The following EPSTI1 variants were observed in gnomAD, a reference collection of about 807,000 sequenced individuals.
EPSTI1 encodes the protein epithelial-stromal interaction protein 1.
A neutral mutation model predicts 49.9 loss-of-function variants in EPSTI1; 66 were observed. That is an observed-to-expected ratio of 1.32 (90% CI 1.08 to 1.62). The LOEUF is 1.62. EPSTI1 is among the 40% of genes most tolerant of loss of function. The probability of loss-of-function intolerance (pLI) is 0.00; values close to 1 mark genes in which losing one functional copy is unlikely to be tolerated. For synonymous variants in EPSTI1, 137 were observed against 130.7 expected, an observed-to-expected ratio of 1.05 and a Z score of -0.33; for missense variants, 394 against 365.5, an observed-to-expected ratio of 1.08 and a Z score of -0.64.
intron 9 of EPSTI1, among the ~76,000 whole-genome samples, chr13:42,895,705 A>T (rs2037170861): frequency 6.6e-6 from 1 of 152,206 alleles, no homozygotes; most frequent in African/African-American, 2.4e-5. Context: ...GTTTCATATT[A>T]CAGTTTTTAA....
intron 7 of EPSTI1, among the ~76,000 whole-genome samples, chr13:42,926,105 T>C (rs1201335987): frequency 2.1e-5 from 2 of 93,780 alleles, no homozygotes; most frequent in Non-Finnish European, 4.8e-5. Flanking sequence ...GAATGAATGG[T>C]TGGGTGAGAG....
At chr13:42,970,729 C>A (rs1050163005) in intron 1 of EPSTI1, 59 bp from the exon 2 acceptor site, 4 of 1,345,266 alleles carry the variant, frequency 3.0e-6, no homozygotes, top group Middle Eastern at 3.7e-4. Flanking sequence ...TGCATATAAG[C>A]CACCAGATAT....
chr13:42,889,256 A>G (rs993380704), intron 10 of EPSTI1: 2 of 1,500,942 alleles, frequency 1.3e-6, no homozygotes, highest in Non-Finnish European at 1.8e-6. Flanking sequence ...GAAAAATAAA[A>G]AAATATATTT....
intron 8 of EPSTI1, among the ~76,000 whole-genome samples, chr13:42,911,033 T>C (rs2037656668): frequency 6.6e-6 from 1 of 152,232 alleles, no homozygotes; most frequent in Non-Finnish European, 1.5e-5. Flanking sequence ...CAAATATTCT[T>C]GTCACATGAC....
At chr13:42,888,616 C>G (rs1320635122) in intron 10 of EPSTI1, 114 bp from the exon 11 acceptor site, 2 of 1,102,166 alleles carry the variant, frequency 1.8e-6, no homozygotes, top group Non-Finnish European at 2.6e-6. Context: ...GCTGAAATGA[C>G]CATTTTTTAA....
chr13:42,893,614 C>T (rs1369699788), intron 10 of EPSTI1, among the ~76,000 whole-genome samples: 2 of 152,170 alleles, frequency 1.3e-5, no homozygotes, highest in Non-Finnish European at 2.9e-5. Context: ...TGCCAATAGT[C>T]ATTGGTGAGC....
At chr13:42,986,172 G>T (rs2040074440) in intron 1 of EPSTI1, among the ~76,000 whole-genome samples, 1 of 152,182 alleles carries the variant, frequency 6.6e-6, no homozygotes, top group South Asian at 2.1e-4. Flanking sequence ...GGCAGCTGGG[G>T]CCGTCAGCTG....
At chr13:42,894,900 A>G in intron 10 of EPSTI1, 109 bp downstream of exon 10, 1 of 940,082 alleles carries the variant, frequency 1.1e-6, no homozygotes, top group South Asian at 1.6e-5. Flanking sequence ...AAACAGCACA[A>G]CAACAAAAAC....
chr13:42,920,220 T>C (rs2037953818), intron 7 of EPSTI1, among the ~76,000 whole-genome samples: 1 of 152,130 alleles, frequency 6.6e-6, no homozygotes. Context: ...GAAGTGTGGG[T>C]CTCAACCCAT....
chr13:42,896,710 T>C (rs550320390), intron 9 of EPSTI1, among the ~76,000 whole-genome samples: 2 of 152,302 alleles, frequency 1.3e-5, no homozygotes, highest in Middle Eastern at 3.4e-3. Context: ...CAGCTTCCCA[T>C]TGGTCTTAGA....
intron 8 of EPSTI1, among the ~76,000 whole-genome samples, chr13:42,901,871 T>A (rs1459164145): frequency 1.3e-5 from 2 of 152,080 alleles, no homozygotes; most frequent in Non-Finnish European, 2.9e-5. Flanking sequence ...ACCCACTAAC[T>A]CGTCATCTAG....
At chr13:42,906,651 C>T (rs1009245991) in intron 8 of EPSTI1, among the ~76,000 whole-genome samples, 25 of 152,224 alleles carry the variant, frequency 1.6e-4, no homozygotes, top group African/African-American at 5.3e-4. Flanking sequence ...CCTGGTTCTC[C>T]GGCATCCACA....
In EPSTI1 at chr13:42,888,058, T is replaced by G; in HGVS notation, c.*436A>C. 1.8e-6 allele frequency: 1 copy of G among 544,376 alleles called. No homozygotes were observed. The highest frequency in any genetic ancestry group is 3.2e-6 in the Non-Finnish European group (1 of 316,898). 33.7% of individuals were successfully genotyped at this position (544,376 alleles called of 1,614,324 possible). A position where few individuals can be genotyped will look rare whatever the true frequency, so the allele number is the denominator to read the frequency against. ...AAGACCTTTTTCTTTTGTACATATT[T>G]GTACCATAAAGAAAGTAGGGATTAA... On this transcript the variant is annotated 3_prime_UTR_variant, in exon 11 of 11. Transcript: ENST00000313624.
At chr13:42,948,603 A>G (rs1233783504) in intron 6 of EPSTI1, among the ~76,000 whole-genome samples, 1 of 151,658 alleles carries the variant, frequency 6.6e-6, no homozygotes, top group Admixed American at 6.6e-5. Context: ...CAGCTTCCCA[A>G]GGAGCTGGGA....
At chr13:42,968,695 T>G (rs2039682806) in intron 3 of EPSTI1, among the ~76,000 whole-genome samples, 1 of 152,120 alleles carries the variant, frequency 6.6e-6, no homozygotes, top group South Asian at 2.1e-4. Context: ...TCCACTCCTT[T>G]TCTTCAGATT....
intron 8 of EPSTI1, among the ~76,000 whole-genome samples, chr13:42,903,163 CA>C (rs1224983332): frequency 6.6e-6 from 1 of 151,288 alleles, no homozygotes; most frequent in Non-Finnish European, 1.5e-5. Flanking sequence ...GACACAAAGA[CA>C]AAAAAAGTAT....
Position 42,895,085 on chromosome 13 carries a change from C to G in EPSTI1, c.839G>C (p.Arg280Pro). 1.9e-6 allele frequency: 3 copies of G among 1,612,932 alleles called. No individual in the cohort carries two copies. Among genetic ancestry groups the G allele is most frequent in the Non-Finnish European group, 2.5e-6 (3 of 1,179,436 alleles). Residue 280 changes from arginine to proline, a missense_variant, in exon 10 of 11, where the codon CGA (arginine) becomes CCA (proline). Coordinates refer to ENST00000313624, the MANE Select transcript of EPSTI1 (RefSeq NM_033255.5). ...HRRVNNAFLD[R>P]LQGKSQPGGL... ...ACCTGGTTGACTTTTGCCTTGGAGT[C>G]GGTCCAGAAAAGCATTATTTACCCT...
chr13:42,969,279 T>C (rs2039707422), intron 2 of EPSTI1, 102 bp from the exon 3 acceptor site: 1 of 1,118,324 alleles, frequency 8.9e-7, no homozygotes, highest in African/African-American at 1.6e-5. Flanking sequence ...CAATTAACTA[T>C]ATGTGAGCAT....
At chr13:42,936,368 G>C (rs61952586) in intron 6 of EPSTI1, among the ~76,000 whole-genome samples, 1 of 151,886 alleles carries the variant, frequency 6.6e-6, no homozygotes. Flanking sequence ...CCATTTACTC[G>C]TAAGTCCAAT....
Sources: allele counts gnomAD v4.1 joint callset (sites outside exome capture counted in the v4.1 genomes callset), GRCh38; gene constraint gnomAD v4.1.1; transcripts MANE v1.5; gene names NCBI Gene and HGNC (gene_info 2026-07-23, HGNC 2026-07-21).